Variants in UBE3A observed in about 807,000 individuals in gnomAD.
The protein encoded by UBE3A is ubiquitin-protein ligase E3A.
In UBE3A, 6 loss-of-function variants were observed where a neutral mutation model predicts 83.4. The ratio of observed to expected loss-of-function variants is 0.07; its 90% CI spans 0.04 to 0.14. UBE3A has a LOEUF of 0.14. UBE3A is among the 10% of genes least tolerant of loss of function. The probability of loss-of-function intolerance (pLI) is 1.00; values close to 1 mark genes in which losing one functional copy is unlikely to be tolerated. For synonymous variants in UBE3A, 337 were observed against 355.4 expected, an observed-to-expected ratio of 0.95 and a Z score of 0.58; for missense variants, 456 against 1,036.1, an observed-to-expected ratio of 0.44 and a Z score of 7.69.
chr15:25,373,475 T>C (rs2080650827), intron 5 of UBE3A: 1 of 151,984 alleles, frequency 6.6e-6, no homozygotes, highest in Non-Finnish European at 1.5e-5. Flanking sequence ...TTCCAAGGAG[T>C]GTTTTTTGTT....
chr15:25,352,515 ATTATC>A (rs2076653970), intron 11 of UBE3A, among the ~76,000 whole-genome samples: 1 of 152,350 alleles, frequency 6.6e-6, no homozygotes, highest in African/African-American at 2.4e-5. Context: ...AAATAAGTAC[ATTATC>A]TTAATTTAAA....
At chr15:25,375,850 C>A in intron 4 of UBE3A, 87 bp from the exon 5 acceptor site, 1 of 1,496,604 alleles carries the variant, frequency 6.7e-7, no homozygotes, top group Non-Finnish European at 9.1e-7. Context: ...AAAAGTTAGT[C>A]AAGCACTGAA....
At position 25,336,557 on chromosome 15, in the gene UBE3A, A is replaced by G. The variant is rs2073971664; in HGVS notation, c.*2580T>C. On this transcript the variant is annotated 3_prime_UTR_variant, in exon 13 of 13. Transcript: ENST00000648336. ...TTTTTCAAGTTTCTTTTTGATATGT[A>G]TCTATCTATCTATCATCTCCCTATA... The G allele has an allele frequency of 6.6e-6, 1 of 151,912 alleles. No homozygotes were observed. The highest frequency in any genetic ancestry group is 2.4e-5 in the African/African-American group (1 of 41,326). 9.4% of individuals were successfully genotyped at this position (151,912 alleles called of 1,614,324 possible).
At position 25,339,108 on chromosome 15, in the gene UBE3A, T is replaced by A. The variant is rs1168629033; in HGVS notation, c.*29A>T. ...ATTTTTTCTTTTTTTTTCCTTCCTT[T>A]TTTTTGTTTTATTTTGTTTTGTTTT... On this transcript the variant is annotated 3_prime_UTR_variant, in exon 13 of 13. Coordinates refer to ENST00000648336, the MANE Select transcript of UBE3A (RefSeq NM_130839.5). The A allele has an allele frequency of 1.4e-6, 2 of 1,476,526 alleles. No homozygotes were observed. Among genetic ancestry groups the A allele is most frequent in the Non-Finnish European group, 1.8e-6 (2 of 1,107,428 alleles). 91.5% of individuals were successfully genotyped at this position (1,476,526 alleles called of 1,614,324 possible).
chr15:25,390,231 G>A (rs915926726), intron 4 of UBE3A, among the ~76,000 whole-genome samples: 4 of 152,220 alleles, frequency 2.6e-5, no homozygotes, highest in African/African-American at 7.2e-5. Context: ...TTAGAAGACA[G>A]TTTGGATGTT....
intron 11 of UBE3A, among the ~76,000 whole-genome samples, chr15:25,347,871 T>C (rs1207149148): frequency 2.6e-5 from 4 of 151,898 alleles, no homozygotes; most frequent in African/African-American, 9.7e-5. Flanking sequence ...CCCTAACATA[T>C]CAATAATTAC....
chr15:25,431,608 G>A (rs922833865), intron 1 of UBE3A, among the ~76,000 whole-genome samples: 2 of 152,096 alleles, frequency 1.3e-5, no homozygotes, highest in African/African-American at 4.8e-5. Flanking sequence ...CTCCCAAAGT[G>A]CTGGGATTAC....
intron 12 of UBE3A, 104 bp from the exon 13 acceptor site, chr15:25,339,361 TG>T: frequency 2.8e-6 from 4 of 1,421,484 alleles, no homozygotes; most frequent in African/African-American, 1.4e-5. Flanking sequence ...TGAGACGGTC[TG>T]CAATGCAAAC....
chr15:25,338,893 A>G lies in UBE3A; in HGVS notation c.*244T>C, dbSNP rs2152505314. On this transcript the variant is annotated 3_prime_UTR_variant, in exon 13 of 13. Coordinates refer to ENST00000648336, the MANE Select transcript of UBE3A (RefSeq NM_130839.5). ...TGTAACACTTTCACGCAAAAAAATA[A>G]TTATAATAATAATAAAGGATTTGTT... The G allele has an allele frequency of 4.7e-6, 1 of 211,198 alleles. No homozygotes were observed. The highest frequency in any genetic ancestry group is 1.0e-4 in the East Asian group (1 of 9,966). 13.1% of individuals were successfully genotyped at this position (211,198 alleles called of 1,614,324 possible).
At chr15:25,345,335 C>T (rs1043063436) in intron 11 of UBE3A, among the ~76,000 whole-genome samples, 5 of 151,974 alleles carry the variant, frequency 3.3e-5, no homozygotes, top group Admixed American at 6.6e-5. Context: ...AACCTTGTAC[C>T]GAGGAAAAAC....
intron 1 of UBE3A, among the ~76,000 whole-genome samples, chr15:25,437,613 T>TA (rs1895499575): frequency 6.6e-6 from 1 of 152,202 alleles, no homozygotes; most frequent in Non-Finnish European, 1.5e-5. Flanking sequence ...CCTCGCCACT[T>TA]AATAATCTCA....
chr15:25,373,881 T>C (rs752831361), intron 5 of UBE3A: 3 of 152,182 alleles, frequency 2.0e-5, no homozygotes, highest in Non-Finnish European at 2.9e-5. Flanking sequence ...GGTTTATTGA[T>C]ACAGGTGTTC....
In UBE3A at chr15:25,387,969, T is replaced by A. The variant is rs146658023; in HGVS notation, c.63-12206A>T. ...ATATTAAAGAAATTAAATCCATAAT[T>A]AATAATGTTCTAAAAGAGAAGGCAT... On this transcript the variant is annotated intron_variant, in intron 4 of 12. Transcript: ENST00000648336. 5.9e-3 allele frequency among the ~76,000 whole-genome samples: 895 copies of A among 152,286 alleles called. 10 individuals are homozygous for A. Among genetic ancestry groups the A allele is most frequent in the African/African-American group, 0.021 (854 of 41,560 alleles).
intron 1 of UBE3A, among the ~76,000 whole-genome samples, chr15:25,421,339 A>G (rs1391186819): frequency 6.6e-6 from 1 of 152,232 alleles, no homozygotes; most frequent in Non-Finnish European, 1.5e-5. Flanking sequence ...TACAGCCTGC[A>G]GCACCAGGGG....
chr15:25,394,800 A>G (rs1040317848), intron 4 of UBE3A, among the ~76,000 whole-genome samples: 3 of 152,236 alleles, frequency 2.0e-5, no homozygotes, highest in Non-Finnish European at 4.4e-5. Context: ...AAAGGCAGAA[A>G]CAAACATTTT....
rs1317386300 is a variant in UBE3A, at chr15:25,338,968, G to C, written c.*169C>G. On this transcript the variant is annotated 3_prime_UTR_variant, in exon 13 of 13. Coordinates refer to ENST00000648336, the MANE Select transcript of UBE3A (RefSeq NM_130839.5). ...TTCCAGCCCACATGTCCCCAATAAAGAAGGGAGGCACAGACATAGGTGACT... is the reference window on the plus strand; with the variant it reads ...TTCCAGCCCACATGTCCCCAATAAACAAGGGAGGCACAGACATAGGTGACT... 1.8e-6 allele frequency: 1 copy of C among 555,148 alleles called. No individual in the cohort carries two copies. Among genetic ancestry groups the C allele is most frequent in the African/African-American group, 2.0e-5 (1 of 51,176 alleles). The allele number at this position is 555,148 out of a possible 1,614,324, so 34.4% of individuals were successfully genotyped here.
intron 4 of UBE3A, among the ~76,000 whole-genome samples, chr15:25,380,081 GGTA>G (rs2081925694): frequency 6.6e-6 from 1 of 152,004 alleles, no homozygotes; most frequent in African/African-American, 2.4e-5. Context: ...CTGTTCTTGT[GGTA>G]GTAAGTCTCA....
At chr15:25,363,050 T>C (rs1258024872) in intron 6 of UBE3A, among the ~76,000 whole-genome samples, 1 of 152,168 alleles carries the variant, frequency 6.6e-6, no homozygotes, top group Non-Finnish European at 1.5e-5. Flanking sequence ...CTGTGTTCTA[T>C]CTAGTCTTAG....
intron 11 of UBE3A, among the ~76,000 whole-genome samples, chr15:25,351,717 C>T (rs772919713): frequency 7.2e-5 from 11 of 152,160 alleles, no homozygotes; most frequent in East Asian, 1.9e-4. Context: ...GTGATCTGCC[C>T]GCCTCGGGCG....
Sources: gnomAD v4.1 joint callset for allele counts (sites outside exome capture counted in the v4.1 genomes callset) on GRCh38, gnomAD v4.1.1 for gene constraint, MANE v1.5 for transcripts, NCBI Gene and HGNC (gene_info 2026-07-23, HGNC 2026-07-21) for gene names.